PARD3B: variants seen among roughly 807,000 people sequenced by gnomAD.
PARD3B encodes the protein par-3 family cell polarity regulator beta.
In PARD3B, 103 loss-of-function variants were observed where a neutral mutation model predicts 130.2. The ratio of observed to expected loss-of-function variants is 0.79; its 90% CI spans 0.67 to 0.93. The LOEUF (loss-of-function observed/expected upper bound fraction) is 0.93, where lower values mean the gene tolerates loss of function less well. PARD3B is among the 40% of genes least tolerant of loss of function. The probability of loss-of-function intolerance (pLI) is 0.00; values close to 1 mark genes in which losing one functional copy is unlikely to be tolerated. For missense variants in PARD3B, 1,609 were observed against 1,499.2 expected (o/e 1.07, Z -1.21); for synonymous variants, 583 against 553.2 (o/e 1.05, Z -0.76).
chr2:205,385,840 A>C (rs1449469893), intron 18 of PARD3B, among the ~76,000 whole-genome samples: 1 of 152,128 alleles, frequency 6.6e-6, no homozygotes, highest in Non-Finnish European at 1.5e-5. Context: ...TCAGTATACC[A>C]ATACTTTGCA....
chr2:205,238,849 A>AAAAAAATATATAT lies in PARD3B; in HGVS notation c.2141-6928_2141-6927insAAAAATATATATA, dbSNP rs1273582854. Among the ~76,000 whole-genome samples, 105 of 76,888 alleles carry AAAAAAATATATAT rather than the reference A, an allele frequency of 1.4e-3. 4 individuals are homozygous for AAAAAAATATATAT. Among genetic ancestry groups the AAAAAAATATATAT allele is most frequent in the Non-Finnish European group, 2.0e-3 (88 of 43,318 alleles). The allele number at this position is 76,888 out of a possible 152,430, so 50.4% of individuals were successfully genotyped here. A position where few individuals can be genotyped will look rare whatever the true frequency, so the allele number is the denominator to read the frequency against. ...AAACTCCGTTTCAAAAAAAAAAAAA[A>AAAAAAATATATAT]ATATATATATATATATATATATATA... On this transcript the variant is annotated intron_variant, in intron 15 of 22. Coordinates refer to ENST00000406610, the MANE Select transcript of PARD3B (RefSeq NM_001302769.2).
chr2:204,954,879 A>C (rs893160239), intron 2 of PARD3B, among the ~76,000 whole-genome samples: 1 of 152,288 alleles, frequency 6.6e-6, no homozygotes, highest in East Asian at 1.9e-4. Flanking sequence ...TCAGTTCTTT[A>C]TTTGTCTTTA....
rs1695707414 is a variant in PARD3B at position 205,011,454 on chromosome 2, G to A, written c.395-36127G>A. 6.6e-6 allele frequency among the ~76,000 whole-genome samples: 1 copy of A among 152,162 alleles called. No individual in the cohort carries two copies. The highest frequency in any genetic ancestry group is 1.5e-5 in the Non-Finnish European group (1 of 68,042). ...AAGTGACTCGAGAGAGAAATTAAGAGGGGCATGCTCTAAAGACAGAAGTGC... is the reference window on the plus strand; with the variant it reads ...AAGTGACTCGAGAGAGAAATTAAGAAGGGCATGCTCTAAAGACAGAAGTGC... On this transcript the variant is annotated intron_variant, in intron 3 of 22. Coordinates refer to ENST00000406610, the MANE Select transcript of PARD3B (RefSeq NM_001302769.2). This position sits in a 1 kb window ranked among gnomAD's most constrained non-coding sequence, Gnocchi z 4.1.
chr2:205,106,596 T>A (rs1198451193), intron 5 of PARD3B, among the ~76,000 whole-genome samples: 2 of 151,688 alleles, frequency 1.3e-5, no homozygotes, highest in Admixed American at 1.3e-4. Flanking sequence ...GTTAAGGAAC[T>A]ACAATTCATA....
intron 4 of PARD3B, among the ~76,000 whole-genome samples, chr2:205,067,503 A>G (rs1283358942): frequency 1.3e-5 from 2 of 152,096 alleles, no homozygotes; most frequent in African/African-American, 4.8e-5. Flanking sequence ...TTACAGATAA[A>G]TTTTAAATTT....
intron 2 of PARD3B, among the ~76,000 whole-genome samples, chr2:204,807,110 T>C (rs2042795020): frequency 6.6e-6 from 1 of 152,064 alleles, no homozygotes; most frequent in Non-Finnish European, 1.5e-5. Flanking sequence ...AACCATCAGA[T>C]CTTGTGAGAC....
intron 2 of PARD3B, among the ~76,000 whole-genome samples, chr2:204,760,801 C>G (rs1338470114): frequency 1.3e-5 from 2 of 152,072 alleles, no homozygotes; most frequent in African/African-American, 4.8e-5. Context: ...CTCTCCTTTT[C>G]AAAATTTGCA....
rs1322976665 is a variant in PARD3B, at chr2:205,059,110, G to A, written c.504+11420G>A. Among the ~76,000 whole-genome samples, 2 of 151,724 alleles carry A rather than the reference G, an allele frequency of 1.3e-5. 1 individual carries two copies. The highest frequency in any genetic ancestry group is 4.1e-4 in the South Asian group (2 of 4,820). ...TTATTTTGAGTTAATTTTTGTACAC[G>A]GTATTAGATAAGGGTCCAACTTCAG... On this transcript the variant is annotated intron_variant, in intron 4 of 22. Coordinates refer to ENST00000406610, the MANE Select transcript of PARD3B (RefSeq NM_001302769.2).
intron 10 of PARD3B, among the ~76,000 whole-genome samples, chr2:205,148,892 A>T (rs1301545532): frequency 2.0e-5 from 3 of 152,208 alleles, no homozygotes; most frequent in African/African-American, 7.2e-5. Context: ...CTGAGCCAAG[A>T]GCACAGCATT....
intron 3 of PARD3B, among the ~76,000 whole-genome samples, chr2:205,012,942 T>G (rs1695840828): frequency 6.6e-6 from 1 of 152,258 alleles, no homozygotes; most frequent in Non-Finnish European, 1.5e-5. Flanking sequence ...ACAGCATTTC[T>G]AAAACGAGTA....
In PARD3B at chr2:205,249,614, G is replaced by A. The variant is rs150335490; in HGVS notation, c.2185+3792G>A. On this transcript the variant is annotated intron_variant, in intron 16 of 22. Transcript: ENST00000406610. ...GTTCCCCTCACCCCTTCTGGAATTA[G>A]TCCAGTATTCTTGAGATTTCTCTAA... 7.4e-3 allele frequency among the ~76,000 whole-genome samples: 1,130 copies of A among 152,194 alleles called. 18 individuals carry two copies. The highest frequency in any genetic ancestry group is 0.026 in the African/African-American group (1,061 of 41,542).
chr2:204,753,787 C>G (rs2040557625), intron 2 of PARD3B, among the ~76,000 whole-genome samples: 1 of 151,948 alleles, frequency 6.6e-6, no homozygotes, highest in South Asian at 2.1e-4. Context: ...GCATGGTGGG[C>G]CACAGCTGTA....
chr2:204,692,864 C>T (rs1200061290), intron 2 of PARD3B, among the ~76,000 whole-genome samples: 1 of 152,044 alleles, frequency 6.6e-6, no homozygotes, highest in Non-Finnish European at 1.5e-5. Context: ...CCTCAACAGT[C>T]ATGTGGATTA....
Position 205,091,859 on chromosome 2 carries a change from C to G in PARD3B, c.505-12567C>G, listed in dbSNP as rs939252875. Among the ~76,000 whole-genome samples the G allele has an allele frequency of 2.2e-4, 34 of 152,130 alleles. No homozygotes were observed. Among genetic ancestry groups the G allele is most frequent in the African/African-American group, 8.0e-4 (33 of 41,422 alleles). ...GCAAAAAGTGTATACATTTTTTCAT[C>G]TCTGTATCTCCAGTGCTTAGCACTG... On this transcript the variant is annotated intron_variant, in intron 4 of 22. Coordinates refer to ENST00000406610, the MANE Select transcript of PARD3B (RefSeq NM_001302769.2). The surrounding 1 kb of genome is among the most constrained non-coding windows in gnomAD (Gnocchi z 4.2).
Position 205,404,087 on chromosome 2 carries a change from C to A in PARD3B, c.2741+2964C>A, listed in dbSNP as rs115738732. ...CTATTAAAACCATACATAACTCTAC[C>A]ATAATCCCATAACCACTACTAATAT... On this transcript the variant is annotated intron_variant, in intron 19 of 22. Coordinates refer to ENST00000406610, the MANE Select transcript of PARD3B (RefSeq NM_001302769.2). Among the ~76,000 whole-genome samples, 632 of 152,272 alleles carry A rather than the reference C, an allele frequency of 4.2e-3. 6 individuals carry two copies. The highest frequency in any genetic ancestry group is 0.015 in the African/African-American group (605 of 41,558).
At position 205,568,139 on chromosome 2, in the gene PARD3B, G is replaced by C. The variant is rs2053428553; in HGVS notation, c.3260+14736G>C. On this transcript the variant is annotated intron_variant, in intron 22 of 22. Coordinates refer to ENST00000406610, the MANE Select transcript of PARD3B (RefSeq NM_001302769.2). The surrounding 1 kb of genome is among the most constrained non-coding windows in gnomAD (Gnocchi z 5.3). ...GTGGACAGAAGTGCTGCAGTGATGG[G>C]GGTGTGGGGGCAGTCTGCTGCCACA... is the stretch of plus-strand genomic sequence containing the variant. Among the ~76,000 whole-genome samples the C allele has an allele frequency of 6.6e-6, 1 of 152,220 alleles. No homozygotes were observed. The highest frequency in any genetic ancestry group is 6.5e-5 in the Admixed American group (1 of 15,284).
At position 204,799,933 on chromosome 2, in the gene PARD3B, G is replaced by C. The variant is rs75280594; in HGVS notation, c.222+113651G>C. Among the ~76,000 whole-genome samples the C allele has an allele frequency of 7.4e-3, 1,123 of 152,314 alleles. 12 individuals carry two copies. Among genetic ancestry groups the C allele is most frequent in the African/African-American group, 0.026 (1,061 of 41,578 alleles). On this transcript the variant is annotated intron_variant, in intron 2 of 22. Coordinates refer to ENST00000406610, the MANE Select transcript of PARD3B (RefSeq NM_001302769.2). The surrounding 1 kb of genome is among the most constrained non-coding windows in gnomAD (Gnocchi z 4.1). ...GTGGGTACAAACAAGCCAAGACTGT[G>C]AAGGCTACAATAAATACCTAACTCT... is the stretch of plus-strand genomic sequence containing the variant.
rs567560539 is a variant in PARD3B, at chr2:205,585,094, C to T, written c.3261-30362C>T. Reference sequence around the variant, plus strand: ...AAAATGGAGGCCTGGATAGTGGAGGCGTGAAAATAGATCCTTCGTAACCCC... The same window carrying T: ...AAAATGGAGGCCTGGATAGTGGAGGTGTGAAAATAGATCCTTCGTAACCCC... On this transcript the variant is annotated intron_variant, in intron 22 of 22. Transcript: ENST00000406610. This position sits in a 1 kb window ranked among gnomAD's most constrained non-coding sequence, Gnocchi z 5.4. Among the ~76,000 whole-genome samples the T allele has an allele frequency of 8.8e-4, 134 of 152,200 alleles. No individual in the cohort carries two copies. Among genetic ancestry groups the T allele is most frequent in the African/African-American group, 3.0e-3 (126 of 41,540 alleles).
At chr2:205,543,028 C>T (rs2052228925) in intron 21 of PARD3B, among the ~76,000 whole-genome samples, 1 of 152,142 alleles carries the variant, frequency 6.6e-6, no homozygotes, top group African/African-American at 2.4e-5. Context: ...GAATCTGATT[C>T]ATTCTTTCTG....
Sources: allele counts gnomAD v4.1 joint callset (sites outside exome capture counted in the v4.1 genomes callset), GRCh38; gene constraint gnomAD v4.1.1; non-coding constraint Gnocchi (gnomAD v3.1); transcripts MANE v1.5; gene names NCBI Gene and HGNC (gene_info 2026-07-23, HGNC 2026-07-21).